The following GSK3B variants were observed in gnomAD, a reference collection of about 807,000 sequenced individuals.
GSK3B encodes the protein glycogen synthase kinase 3 beta.
GSK3B carries 15 observed loss-of-function variants against 56.4 expected under a neutral mutation model. The ratio of observed to expected loss-of-function variants is 0.27; its 90% confidence interval spans 0.18 to 0.41. GSK3B has a LOEUF of 0.41. Among genes scored for constraint, GSK3B ranks in the 10% least tolerant of loss-of-function variants. The pLI is 1.00. For synonymous variants in GSK3B, 181 were observed against 188.9 expected (o/e 0.96, Z 0.34); for missense variants, 300 against 513.4 (o/e 0.58, Z 4.02).
At chr3:120,084,539 G>C (rs556992302) in intron 1 of GSK3B, 1 of 152,200 alleles carries the variant, frequency 6.6e-6, no homozygotes, top group African/African-American at 2.4e-5. Flanking sequence ...CAACTAAGGG[G>C]TGCTTGATTT....
At chr3:119,842,762 C>G (rs1162435871) in intron 10 of GSK3B, among the ~76,000 whole-genome samples, 2 of 151,850 alleles carry the variant, frequency 1.3e-5, no homozygotes, top group Non-Finnish European at 2.9e-5. Context: ...ATATAAGGTA[C>G]CTGGGTGGGT....
intron 8 of GSK3B, among the ~76,000 whole-genome samples, chr3:119,864,359 T>C (rs943810569): frequency 3.9e-5 from 6 of 152,216 alleles, no homozygotes; most frequent in Admixed American, 6.5e-5. Flanking sequence ...AAGGAATAGA[T>C]AGCTTTCTAC....
intron 7 of GSK3B, among the ~76,000 whole-genome samples, chr3:119,897,595 G>A (rs987287829): frequency 6.6e-6 from 1 of 151,548 alleles, no homozygotes; most frequent in African/African-American, 2.4e-5. Flanking sequence ...TTTTCTGGGG[G>A]GAAGTGTCCA....
chr3:120,028,149 T>C (rs1456283867), intron 1 of GSK3B, among the ~76,000 whole-genome samples: 1 of 152,160 alleles, frequency 6.6e-6, no homozygotes, highest in Non-Finnish European at 1.5e-5. Flanking sequence ...GAAAATAACT[T>C]GGCTAGAGCA....
At chr3:120,006,131 T>TA (rs2057725474) in intron 1 of GSK3B, among the ~76,000 whole-genome samples, 1 of 152,086 alleles carries the variant, frequency 6.6e-6, no homozygotes, top group South Asian at 2.1e-4. Flanking sequence ...TCTGATAAAA[T>TA]AGACTTTAAA....
At chr3:120,015,446 C>T (rs550675541) in intron 1 of GSK3B, among the ~76,000 whole-genome samples, 139 of 151,522 alleles carry the variant, frequency 9.2e-4, no homozygotes, top group Middle Eastern at 3.4e-3. Flanking sequence ...GTCAGGAGTT[C>T]GAGACCAGCC....
At chr3:119,859,185 A>ATAT (rs397938584) in intron 9 of GSK3B, among the ~76,000 whole-genome samples, 640 of 14,286 alleles carry the variant, frequency 0.045, 3 homozygotes, top group African/African-American at 0.072. Flanking sequence ...TTGTGTATAT[A>ATAT]AAAAAAAAAA....
intron 1 of GSK3B, among the ~76,000 whole-genome samples, chr3:120,077,518 T>C (rs2058377584): frequency 6.6e-6 from 1 of 152,136 alleles, no homozygotes; most frequent in African/African-American, 2.4e-5. Context: ...TAGGTCAAAG[T>C]ATAGGAAGTA....
At chr3:119,950,848 C>G (rs1317120084) in intron 2 of GSK3B, among the ~76,000 whole-genome samples, 1 of 152,144 alleles carries the variant, frequency 6.6e-6, no homozygotes, top group Non-Finnish European at 1.5e-5. Flanking sequence ...GCTACCATCC[C>G]CCTACAACCA....
At chr3:119,995,567 T>G (rs2107473008) in intron 2 of GSK3B, among the ~76,000 whole-genome samples, 1 of 150,894 alleles carries the variant, frequency 6.6e-6, no homozygotes, top group East Asian at 2.0e-4. Context: ...CGGGTTCAAG[T>G]GATTCTCCTG....
At chr3:119,897,422 C>T (rs2056579995) in intron 7 of GSK3B, among the ~76,000 whole-genome samples, 1 of 151,842 alleles carries the variant, frequency 6.6e-6, no homozygotes, top group Non-Finnish European at 1.5e-5. Context: ...GGCATCATAT[C>T]GTATGTGTAA....
chr3:119,862,476 T>C (rs2056117561), intron 9 of GSK3B, among the ~76,000 whole-genome samples: 1 of 124,620 alleles, frequency 8.0e-6, no homozygotes, highest in African/African-American at 3.0e-5. Flanking sequence ...TATACATATG[T>C]AACTAACCTG....
At chr3:119,907,877 T>A (rs1239503064) in intron 6 of GSK3B, among the ~76,000 whole-genome samples, 1 of 152,186 alleles carries the variant, frequency 6.6e-6, no homozygotes, top group Non-Finnish European at 1.5e-5. Context: ...TGTCACAGAA[T>A]AACAGCTTCT....
intron 10 of GSK3B, among the ~76,000 whole-genome samples, chr3:119,842,917 C>T (rs1419065005): frequency 1.3e-5 from 2 of 151,814 alleles, no homozygotes; most frequent in Non-Finnish European, 2.9e-5. Context: ...TTTTGAAAAA[C>T]AGAATTTTTT....
chr3:119,940,110 T>TTGTGTGTGTGTGTG (rs56939160), intron 3 of GSK3B, among the ~76,000 whole-genome samples: 10 of 148,944 alleles, frequency 6.7e-5, no homozygotes, highest in African/African-American at 2.5e-4. Flanking sequence ...GTGTGTGTGT[T>TTGTGTGTGTGTGTG]TGTGTGTGTG....
At chr3:119,891,360 A>G (rs184916136) in intron 7 of GSK3B, among the ~76,000 whole-genome samples, 18 of 152,204 alleles carry the variant, frequency 1.2e-4, no homozygotes, top group African/African-American at 4.3e-4. Flanking sequence ...ACTATCTTTA[A>G]CACCACAAAC....
At chr3:119,933,277 T>C (rs1244532205) in intron 3 of GSK3B, among the ~76,000 whole-genome samples, 2 of 152,112 alleles carry the variant, frequency 1.3e-5, no homozygotes, top group East Asian at 3.9e-4. Flanking sequence ...AGTATTGAAA[T>C]AGATCACCAT....
intron 10 of GSK3B, among the ~76,000 whole-genome samples, chr3:119,839,130 T>C (rs1486687181): frequency 2.6e-5 from 4 of 152,240 alleles, no homozygotes; most frequent in Non-Finnish European, 5.9e-5. Flanking sequence ...TAGCACAGTA[T>C]GATTTTAGGC....
Position 119,958,339 on chromosome 3 carries a change from C to G in GSK3B, c.283-10988G>C, listed in dbSNP as rs144296764. ...TGTGAGAATGGACTAACACAGATGC[C>G]ATACAACAGAAAATGTTAAGTGCCA... On this transcript the variant is annotated intron_variant, in intron 2 of 10. Coordinates refer to ENST00000264235, the MANE Select transcript of GSK3B (RefSeq NM_001146156.2). 3.1e-5 allele frequency among the ~76,000 whole-genome samples: 4 copies of G among 127,318 alleles called. No homozygotes were observed. The East Asian group carries it at 9.3e-4, about 30-fold the overall frequency. The allele number at this position is 127,318 out of a possible 152,430, so 83.5% of individuals were successfully genotyped here.
Sources: allele counts gnomAD v4.1 joint callset (sites outside exome capture counted in the v4.1 genomes callset), GRCh38; gene constraint gnomAD v4.1.1; transcripts MANE v1.5; gene names NCBI Gene and HGNC (gene_info 2026-07-23, HGNC 2026-07-21).